The following TMEM131 variants were observed in gnomAD, a reference collection of about 807,000 sequenced individuals.
TMEM131 encodes 2610524E03Rik.
Under a neutral mutation model 211.6 loss-of-function variants are expected in TMEM131, and 66 were observed. The observed-to-expected ratio is 0.31, with a 90% confidence interval of 0.26 to 0.38. TMEM131 has a LOEUF of 0.38. Among genes scored for constraint, TMEM131 ranks in the 10% least tolerant of loss-of-function variants. The pLI is 1.00. For synonymous variants in TMEM131, 844 were observed against 841.3 expected (o/e 1.00, Z -0.06); for missense variants, 2,036 against 2,299.3 (o/e 0.89, Z 2.34).
At chr2:97,934,661 TAG>T (rs1677367338) in intron 1 of TMEM131, among the ~76,000 whole-genome samples, 1 of 152,166 alleles carries the variant, frequency 6.6e-6, no homozygotes, top group Non-Finnish European at 1.5e-5. Context: ...GGCAGAGGGA[TAG>T]ACACATAAAT....
intron 31 of TMEM131, among the ~76,000 whole-genome samples, chr2:97,786,215 C>A (rs1048962893): frequency 6.6e-6 from 1 of 152,030 alleles, no homozygotes; most frequent in African/African-American, 2.4e-5. Flanking sequence ...ATTATTTGCA[C>A]GTGAATCTAC....
chr2:97,939,927 G>C (rs1178553326), intron 1 of TMEM131, among the ~76,000 whole-genome samples: 1 of 152,104 alleles, frequency 6.6e-6, no homozygotes, highest in Non-Finnish European at 1.5e-5. Flanking sequence ...AAAACTACAT[G>C]ACTATCTCAA....
rs202229445 is a variant in TMEM131 at position 97,758,951 on chromosome 2, G to A, written c.5309C>T (p.Ala1770Val). 3.5e-5 allele frequency: 57 copies of A among 1,614,038 alleles called. No homozygotes were observed. The East Asian group carries it at 7.1e-4, about 20-fold the overall frequency. Residue 1770 changes from alanine to valine, a missense_variant, in exon 40 of 41, where the codon GCG becomes GTG. Ala to Val is a moderately conservative substitution (Grantham distance 64). Coordinates refer to ENST00000186436, the MANE Select transcript of TMEM131 (RefSeq NM_015348.2). ...TGGCCAGGAAGGACTGGGATCTGTCGCTGGCGACTCCCAAAGGTATGAAGG... is the reference window on the plus strand; with the variant it reads ...TGGCCAGGAAGGACTGGGATCTGTCACTGGCGACTCCCAAAGGTATGAAGG... ...SGPSYLWESP[A>V]TDPSPSWPAS...
intron 2 of TMEM131, among the ~76,000 whole-genome samples, chr2:97,921,732 A>G (rs1326203157): frequency 6.6e-6 from 1 of 152,216 alleles, no homozygotes; most frequent in South Asian, 2.1e-4. Context: ...GCAAACCAAC[A>G]GCAAAATGGG....
At chr2:97,843,388 T>A (rs1266119480) in intron 6 of TMEM131, among the ~76,000 whole-genome samples, 1 of 152,232 alleles carries the variant, frequency 6.6e-6, no homozygotes, top group East Asian at 1.9e-4. Context: ...CAAGGTGGAG[T>A]ACAGTGGTGT....
intron 1 of TMEM131, among the ~76,000 whole-genome samples, chr2:97,931,002 G>A (rs571965558): frequency 1.3e-4 from 20 of 151,956 alleles, no homozygotes; most frequent in African/African-American, 4.8e-4. Context: ...GCAAGAAAGT[G>A]GCTAGAGAAA....
chr2:97,779,294 C>A (rs968310794), intron 31 of TMEM131, among the ~76,000 whole-genome samples: 3 of 152,226 alleles, frequency 2.0e-5, no homozygotes, highest in Non-Finnish European at 4.4e-5. Flanking sequence ...TGTGCCTTCC[C>A]TAACCTGACT....
Position 97,792,827 on chromosome 2 carries a change from C to G in TMEM131, c.3703G>C (p.Val1235Leu). 1 of 1,613,946 alleles carries G rather than the reference C, an allele frequency of 6.2e-7. No individual in the cohort carries two copies. The highest frequency in any genetic ancestry group is 8.5e-7 in the Non-Finnish European group (1 of 1,179,890). ...SNRNSADVEN[V>L]RAKNSSSTSS... ...GTACTTGAACTGTTTTTGGCTCTGA[C>G]GTTTTCCACGTCAGCTGAGTTTCTA... Residue 1235 changes from valine to leucine, a missense_variant, in exon 31 of 41, where the codon GTC (valine) becomes CTC (leucine). Val to Leu is a conservative substitution (Grantham distance 32). Transcript: ENST00000186436.
intron 5 of TMEM131, among the ~76,000 whole-genome samples, chr2:97,857,422 C>T (rs148340911): frequency 2.0e-5 from 3 of 152,022 alleles, no homozygotes; most frequent in South Asian, 2.1e-4. Context: ...CTCTGTATTA[C>T]GGTAGCAATG....
At chr2:97,826,932 G>C (rs1682417098) in intron 11 of TMEM131, among the ~76,000 whole-genome samples, 1 of 151,980 alleles carries the variant, frequency 6.6e-6, no homozygotes, top group African/African-American at 2.4e-5. Context: ...TCCTAACAGG[G>C]GATCTAAATC....
intron 31 of TMEM131, among the ~76,000 whole-genome samples, chr2:97,786,645 T>C (rs1403798668): frequency 6.6e-6 from 1 of 152,216 alleles, no homozygotes; most frequent in African/African-American, 2.4e-5. Flanking sequence ...ATGTTTAGTG[T>C]AGAGAACCAC....
Position 97,805,131 on chromosome 2 carries a change from G to T in TMEM131, c.2359C>A (p.Leu787Met). The change falls in exon 22 of 41, where the codon CTG (leucine) becomes ATG (methionine). Residue 787 changes from leucine to methionine, a missense_variant. This residue lies in a region of TMEM131 where 1,623 missense variants were observed against 1,805.9 expected (regional missense o/e 0.90). Transcript: ENST00000186436. ...TTTATTCCTGTCCATCCCTTGAACA[G>T]GCTTTGATGCAAATCCCAGTCAGCA... is the stretch of plus-strand genomic sequence containing the variant. ...WDADWDLHQS[L>M]FKGWTGIKEN... is the part of the protein sequence containing the mutation. The T allele has an allele frequency of 1.2e-6, 2 of 1,613,792 alleles. No homozygotes were observed. The highest frequency in any genetic ancestry group is 1.7e-6 in the Non-Finnish European group (2 of 1,179,814).
At position 97,809,788 on chromosome 2, in the gene TMEM131, A is replaced by C. The variant is rs372528087; in HGVS notation, c.1969-14T>G. On this transcript the variant is annotated splice_polypyrimidine_tract_variant and intron_variant, in intron 18 of 40. Transcript: ENST00000186436. ...GATTGTCAGGATCTGTGAAGTCAAG[A>C]AGATGATGATAGATAAGTAGTTAAG... 923 of 1,583,570 alleles carry C rather than the reference A, an allele frequency of 5.8e-4. 3 individuals carry two copies. Among genetic ancestry groups the C allele is most frequent in the Non-Finnish European group, 7.4e-4 (856 of 1,161,934 alleles).
intron 5 of TMEM131, among the ~76,000 whole-genome samples, chr2:97,855,428 G>A (rs1330449463): frequency 6.6e-6 from 1 of 152,138 alleles, no homozygotes; most frequent in Admixed American, 6.5e-5. Flanking sequence ...GGCAAGGCAC[G>A]GTGGCTCACG....
chr2:97,962,420 T>C (rs1260094005), intron 1 of TMEM131, among the ~76,000 whole-genome samples: 1 of 151,938 alleles, frequency 6.6e-6, no homozygotes, highest in Non-Finnish European at 1.5e-5. Context: ...AGGAGAATGG[T>C]GTGAACCCGG....
chr2:97,773,733 G>C (rs927974466), intron 32 of TMEM131, among the ~76,000 whole-genome samples: 1 of 151,736 alleles, frequency 6.6e-6, no homozygotes, highest in African/African-American at 2.4e-5. Context: ...CTCCTGAGTA[G>C]CTAGGACTAC....
At chr2:97,990,705 A>G (rs948086427) in intron 1 of TMEM131, among the ~76,000 whole-genome samples, 1 of 152,246 alleles carries the variant, frequency 6.6e-6, no homozygotes, top group African/African-American at 2.4e-5. Context: ...ATGTCCTACT[A>G]TAGCAGACTT....
rs778747641 is a variant in TMEM131 at position 97,834,611 on chromosome 2, ATTT to A, written c.1012+7_1012+9del. ...AACTCCATAAAGACTCTTTTAAAAG[ATTT>A]TTTTACCTTGTGTTCTTAGTGTACC... On this transcript the variant is annotated splice_region_variant and intron_variant, in intron 10 of 40. Transcript: ENST00000186436. 2.6e-6 allele frequency: 4 copies of A among 1,519,092 alleles called. No homozygotes were observed. The African/African-American group carries it at 5.6e-5, about 21-fold the overall frequency. The allele number at this position is 1,519,092 out of a possible 1,614,324, so 94.1% of individuals were successfully genotyped here.
intron 1 of TMEM131, among the ~76,000 whole-genome samples, chr2:97,953,332 T>A (rs1678410392): frequency 6.6e-6 from 1 of 152,196 alleles, no homozygotes; most frequent in African/African-American, 2.4e-5. Flanking sequence ...CAGTTTTACA[T>A]AAAAGGTCGT....
Sources: allele counts gnomAD v4.1 joint callset (sites outside exome capture counted in the v4.1 genomes callset), GRCh38; gene constraint gnomAD v4.1.1; regional missense constraint gnomAD v4.1.1; transcripts MANE v1.5; gene names NCBI Gene and HGNC (gene_info 2026-07-23, HGNC 2026-07-21).